MYO5A: variants seen among roughly 807,000 people sequenced by gnomAD.
MYO5A encodes myosin VA, also known as unconventional myosin-Va.
In MYO5A, 98 loss-of-function variants were observed where a neutral mutation model predicts 249.7. The ratio of observed to expected loss-of-function variants is 0.39; its 90% CI spans 0.33 to 0.46. The LOEUF is 0.46. MYO5A is among the 20% of genes least tolerant of loss of function. The pLI, the probability that MYO5A is intolerant of heterozygous loss-of-function variation, is 0.98. For missense variants in MYO5A, 1,696 were observed against 2,308.8 expected, an observed-to-expected ratio of 0.73 and a Z score of 5.44; for synonymous variants, 778 against 810.6, an observed-to-expected ratio of 0.96 and a Z score of 0.68.
At chr15:52,405,050 GTCAC>G (rs1452235813) in intron 9 of MYO5A, among the ~76,000 whole-genome samples, 1 of 39,772 alleles carries the variant, frequency 2.5e-5, no homozygotes, top group Admixed American at 3.5e-4. Context: ...CTCTCTCTCT[GTCAC>G]ACACACACAC....
At chr15:52,425,163 G>C (rs952059810) in intron 4 of MYO5A, among the ~76,000 whole-genome samples, 1 of 152,106 alleles carries the variant, frequency 6.6e-6, no homozygotes, top group Non-Finnish European at 1.5e-5. Flanking sequence ...ACAGCTCCTA[G>C]GCTTTTTAGT....
rs3751619 is a variant in MYO5A, at chr15:52,309,394, C to A, written c.*4302G>T. The stretch of plus-strand genomic sequence containing the variant: ...GTACGCAGCACTTGCTCGGTTCCCA[C>A]ATGCCAGCTGCCAACTCTGATAAAA... On this transcript the variant is annotated 3_prime_UTR_variant, in exon 42 of 42. Transcript: ENST00000399233. The A allele has an allele frequency of 0.15, 22,493 of 152,216 alleles. 1,719 individuals carry two copies. The highest frequency in any genetic ancestry group is 0.21 in the Middle Eastern group (61 of 296). The allele number at this position is 152,216 out of a possible 1,614,324, so 9.4% of individuals were successfully genotyped here. A position where few individuals can be genotyped will look rare whatever the true frequency, so the allele number is the denominator to read the frequency against.
At chr15:52,489,594 C>T (rs892360870) in intron 1 of MYO5A, among the ~76,000 whole-genome samples, 15 of 149,628 alleles carry the variant, frequency 1.0e-4, no homozygotes, top group African/African-American at 2.9e-4. Context: ...CTCTGTGCAT[C>T]AAAGGGCACA....
chr15:52,312,771 C>T lies in MYO5A; in HGVS notation c.*925G>A, dbSNP rs1293163730. On this transcript the variant is annotated 3_prime_UTR_variant, in exon 42 of 42. Coordinates refer to ENST00000399233, the MANE Select transcript of MYO5A (RefSeq NM_001382347.1). The stretch of plus-strand genomic sequence containing the variant: ...AAGTCACTTCACAGAACACTGTACC[C>T]TGACGCAATATCCACCCAGGGAAAA... The T allele has an allele frequency of 6.6e-6, 1 of 152,208 alleles. No individual in the cohort carries two copies. The highest frequency in any genetic ancestry group is 1.5e-5 in the Non-Finnish European group (1 of 68,038). 9.4% of individuals were successfully genotyped at this position (152,208 alleles called of 1,614,324 possible). A position where few individuals can be genotyped will look rare whatever the true frequency, so the allele number is the denominator to read the frequency against.
chr15:52,329,905 A>AT (rs58058940), intron 35 of MYO5A, among the ~76,000 whole-genome samples: 34 of 119,722 alleles, frequency 2.8e-4, no homozygotes, highest in South Asian at 2.3e-3. Flanking sequence ...CGCCTGGGTA[A>AT]TTTTTTTTTT....
chr15:52,489,028 T>A (rs919572529), intron 1 of MYO5A, among the ~76,000 whole-genome samples: 37 of 152,186 alleles, frequency 2.4e-4, no homozygotes, highest in Non-Finnish European at 3.7e-4. Context: ...ACATGGCGTG[T>A]ACATGCACCA....
chr15:52,378,813 G>A (rs1294959759), intron 18 of MYO5A, among the ~76,000 whole-genome samples: 1 of 151,976 alleles, frequency 6.6e-6, no homozygotes, highest in Non-Finnish European at 1.5e-5. Context: ...AGACAGCATC[G>A]GCATCACCCG....
chr15:52,386,513 T>G (rs527619360), intron 14 of MYO5A, among the ~76,000 whole-genome samples: 1 of 152,266 alleles, frequency 6.6e-6, no homozygotes, highest in East Asian at 1.9e-4. Context: ...TCCTGTAAAC[T>G]ATAAACAGTT....
At chr15:52,328,057 G>T in intron 35 of MYO5A, 51 bp from the exon 36 acceptor site, 1 of 1,448,868 alleles carries the variant, frequency 6.9e-7, no homozygotes, top group Non-Finnish European at 9.6e-7. Context: ...TTTTCACGAG[G>T]CATGCATTGT....
At position 52,508,277 on chromosome 15, in the gene MYO5A, A is replaced by G. The variant is rs146975387; in HGVS notation, c.27+20503T>C. Among the ~76,000 whole-genome samples the G allele has an allele frequency of 1.6e-4, 24 of 152,300 alleles. No homozygotes were observed. The East Asian group carries it at 4.2e-3, about 27-fold the overall frequency. On this transcript the variant is annotated intron_variant, in intron 1 of 41. Coordinates refer to ENST00000399233, the MANE Select transcript of MYO5A (RefSeq NM_001382347.1). ...GTCCTAAAATGGCAAAGCTGTTTCAATCATATCTTTCAAAAACTTAGAATC... is the reference window on the plus strand; with the variant it reads ...GTCCTAAAATGGCAAAGCTGTTTCAGTCATATCTTTCAAAAACTTAGAATC...
chr15:52,478,728 A>G (rs534613217), intron 1 of MYO5A, among the ~76,000 whole-genome samples: 1 of 152,180 alleles, frequency 6.6e-6, no homozygotes, highest in African/African-American at 2.4e-5. Flanking sequence ...GCGTGAGATC[A>G]CTTTTTGCTG....
Position 52,375,369 on chromosome 15 carries a change from G to C in MYO5A, c.2512C>G (p.Arg838Gly). The change falls in exon 20 of 42, where the codon CGA (arginine) becomes GGA (glycine). Residue 838 changes from arginine to glycine, a missense_variant. Physicochemically the swap from Arg to Gly is moderately radical, Grantham distance 125. Coordinates refer to ENST00000399233, the MANE Select transcript of MYO5A (RefSeq NM_001382347.1). ...GACTGAAGAACGATAGTGGCAGCTC[G>C]TCTAATCTTGTACCTCCTGCGGACC... ...YVVRRRYKIR[R>G]AATIVLQSYL... 1 of 1,614,074 alleles carries C rather than the reference G, an allele frequency of 6.2e-7. No individual in the cohort carries two copies. Among genetic ancestry groups the C allele is most frequent in the Non-Finnish European group, 8.5e-7 (1 of 1,179,970 alleles).
chr15:52,393,456 C>G (rs1028854249), intron 11 of MYO5A, among the ~76,000 whole-genome samples: 5 of 151,568 alleles, frequency 3.3e-5, no homozygotes, highest in African/African-American at 4.8e-5. Context: ...TGCAGTGGCA[C>G]AGTCTGGGCT....
chr15:52,452,846 TAAA>T (rs199499140), intron 1 of MYO5A, among the ~76,000 whole-genome samples: 8 of 123,856 alleles, frequency 6.5e-5, no homozygotes, highest in Admixed American at 8.3e-5. Flanking sequence ...AGACTCCATG[TAAA>T]AAAAAAAAAA....
intron 36 of MYO5A, 26 bp from the exon 37 acceptor site, chr15:52,323,470 T>C: frequency 1.9e-6 from 3 of 1,578,204 alleles, no homozygotes; most frequent in Non-Finnish European, 1.7e-6. Context: ...AGTCTAAACT[T>C]GCCTTTTCCT....
chr15:52,383,282 G>A (rs1397858585), intron 15 of MYO5A, 94 bp from the exon 16 acceptor site: 1 of 1,059,942 alleles, frequency 9.4e-7, no homozygotes, highest in African/African-American at 1.6e-5. Context: ...TGACACTAAT[G>A]GAGAAAACTT....
At chr15:52,462,898 T>A (rs1199049220) in intron 1 of MYO5A, among the ~76,000 whole-genome samples, 5 of 151,796 alleles carry the variant, frequency 3.3e-5, no homozygotes, top group Non-Finnish European at 7.4e-5. Context: ...TCCAAACATC[T>A]AGAGAGATCA....
At chr15:52,361,985 C>T (rs1350964108) in intron 24 of MYO5A, among the ~76,000 whole-genome samples, 1 of 152,170 alleles carries the variant, frequency 6.6e-6, no homozygotes, top group African/African-American at 2.4e-5. Context: ...TATCTTTAAA[C>T]ACTTCATAAA....
At chr15:52,438,717 C>T (rs2075720471) in intron 1 of MYO5A, among the ~76,000 whole-genome samples, 1 of 152,234 alleles carries the variant, frequency 6.6e-6, no homozygotes, top group African/African-American at 2.4e-5. Flanking sequence ...GGGATATAAA[C>T]CCAGGCATTC....
Sources: gnomAD v4.1 joint callset for allele counts (sites outside exome capture counted in the v4.1 genomes callset) on GRCh38, gnomAD v4.1.1 for gene constraint, MANE v1.5 for transcripts, NCBI Gene and HGNC (gene_info 2026-07-23, HGNC 2026-07-21) for gene names.